The following ITIH5 variants were observed in gnomAD, a reference collection of about 807,000 sequenced individuals.
The protein encoded by ITIH5 is inter-alpha-trypsin inhibitor heavy chain 5, also known as inter-alpha-trypsin inhibitor heavy chain H5.
In ITIH5, 65 loss-of-function variants were observed where a neutral mutation model predicts 77.5. The observed-to-expected ratio is 0.84, with a 90% CI of 0.69 to 1.03. The LOEUF is 1.03. Ranked by LOEUF, ITIH5 falls within the 50% of genes least tolerant of loss-of-function variation. ITIH5 has a pLI of 0.00. For synonymous variants in ITIH5, 525 were observed against 494.3 expected (o/e 1.06, Z -0.82); for missense variants, 1,208 against 1,213.1 (o/e 1.00, Z 0.06).
rs1833898046 is a variant in ITIH5, at chr10:7,642,025, A to G, written c.201T>C (p.Thr67=). ...TGTTCAGCATTCTGCAGGAAACCGT[A>G]GTGAAGGCATAACGGGAAATGATGG... ...KSTIISRYAF[T]TVSCRMLNRA... Residue 67 remains threonine (T), a synonymous_variant, in exon 3 of 14, where the codon ACT becomes ACC. Coordinates refer to ENST00000397146, the MANE Select transcript of ITIH5 (RefSeq NM_030569.7). 6.2e-7 allele frequency: 1 copy of G among 1,613,924 alleles called. No individual in the cohort carries two copies. Among genetic ancestry groups the G allele is most frequent in the South Asian group, 1.1e-5 (1 of 91,084 alleles).
intron 2 of ITIH5, among the ~76,000 whole-genome samples, chr10:7,646,990 A>G (rs1270971656): frequency 2.0e-5 from 3 of 152,268 alleles, no homozygotes; most frequent in Non-Finnish European, 4.4e-5. Flanking sequence ...GGAATGGCAC[A>G]TTCAAGTGCT....
chr10:7,646,546 A>C (rs895289424), intron 2 of ITIH5, among the ~76,000 whole-genome samples: 1 of 152,238 alleles, frequency 6.6e-6, no homozygotes, highest in Non-Finnish European at 1.5e-5. Flanking sequence ...AGTGGTTTAA[A>C]ACAGCAGCAA....
At chr10:7,662,385 A>G (rs974225907) in intron 1 of ITIH5, among the ~76,000 whole-genome samples, 8 of 151,928 alleles carry the variant, frequency 5.3e-5, no homozygotes, top group Non-Finnish European at 7.4e-5. Context: ...ACAGACAGAG[A>G]AAAGAAAAGA....
At chr10:7,597,744 C>T (rs914218394) in intron 7 of ITIH5, among the ~76,000 whole-genome samples, 1 of 152,186 alleles carries the variant, frequency 6.6e-6, no homozygotes, top group Non-Finnish European at 1.5e-5. Flanking sequence ...TGGGTGTCCA[C>T]TAAGCCTCAG....
chr10:7,645,200 A>C (rs1472166854), intron 2 of ITIH5, among the ~76,000 whole-genome samples: 19 of 152,096 alleles, frequency 1.2e-4, no homozygotes, highest in Non-Finnish European at 1.5e-5. Context: ...TCTTTCTTAG[A>C]GAGACAGAAG....
At chr10:7,619,341 G>GT (rs578233236) in intron 5 of ITIH5, 2 of 153,424 alleles carry the variant, frequency 1.3e-5, no homozygotes, top group South Asian at 2.0e-4. Flanking sequence ...CTTAACAGCT[G>GT]TGAGACTTTG....
intron 5 of ITIH5, among the ~76,000 whole-genome samples, chr10:7,630,358 G>T (rs1051298651): frequency 2.6e-5 from 4 of 152,146 alleles, no homozygotes; most frequent in Non-Finnish European, 4.4e-5. Flanking sequence ...GCCAGATCTT[G>T]GGTCTTGCTA....
intron 7 of ITIH5, among the ~76,000 whole-genome samples, chr10:7,611,904 C>T (rs927513050): frequency 1.5e-5 from 2 of 134,362 alleles, no homozygotes; most frequent in South Asian, 2.5e-4. Context: ...AGTTAAATAT[C>T]CACCTGCAAT....
rs769019728 is a variant in ITIH5, at chr10:7,563,304, G to A, written c.2608C>T (p.Gln870Ter). Residue 870 changes from glutamine to a stop codon, truncating the protein, a stop_gained, in exon 14 of 14, where the codon CAG becomes TAG. Transcript: ENST00000397146. LOFTEE classifies it low-confidence loss of function (END_TRUNC). Reference protein sequence around the residue: ...SQNLTHPLLLQVGEGPEAVLT... With the variant: ...SQNLTHPLLL ...ACGGCCTCAGGCCCCTCTCCCACCT[G>A]AAGGAGCAGAGGGTGAGTGAGGTTC... is the stretch of plus-strand genomic sequence containing the variant. 1 of 1,614,172 alleles carries A rather than the reference G, an allele frequency of 6.2e-7. No homozygotes were observed. The highest frequency in any genetic ancestry group is 1.7e-5 in the Admixed American group (1 of 60,026).
At chr10:7,636,753 T>G (rs1178348365) in intron 5 of ITIH5, among the ~76,000 whole-genome samples, 2 of 152,126 alleles carry the variant, frequency 1.3e-5, no homozygotes, top group East Asian at 3.9e-4. Context: ...TGTATTTTAT[T>G]TTTAATAAAA....
chr10:7,640,640 G>GA lies in ITIH5; in HGVS notation c.401+113dup, dbSNP rs1393893141. The GA allele has an allele frequency of 2.7e-5, 18 of 665,146 alleles. No homozygotes were observed. The African/African-American group carries it at 3.3e-4, about 12-fold the overall frequency. 41.2% of individuals were successfully genotyped at this position (665,146 alleles called of 1,614,324 possible). A position where few individuals can be genotyped will look rare whatever the true frequency, so the allele number is the denominator to read the frequency against. ...GATGTATTTATATTTTGATAAAAAA[G>GA]AAAGAGAAAAGTATTTGGAGGAAAG... On this transcript the variant is annotated intron_variant, in intron 4 of 13. Transcript: ENST00000397146.
intron 7 of ITIH5, 36 bp downstream of exon 7, chr10:7,615,946 G>T (rs758282223): frequency 1.6e-6 from 2 of 1,273,606 alleles, no homozygotes; most frequent in South Asian, 2.4e-5. Context: ...AGGCAAAAGC[G>T]AGAGAGGAAT....
intron 2 of ITIH5, among the ~76,000 whole-genome samples, chr10:7,643,587 C>T (rs1833922305): frequency 6.6e-6 from 1 of 152,174 alleles, no homozygotes; most frequent in African/African-American, 2.4e-5. Flanking sequence ...CACACAAAGG[C>T]TCTCAAAACA....
intron 11 of ITIH5, chr10:7,570,016 A>C: frequency 4.6e-6 from 2 of 434,954 alleles, no homozygotes; most frequent in Admixed American, 4.0e-5. Context: ...TCTAAATTCC[A>C]ATATAATGCT....
chr10:7,662,030 T>C (rs777935833), intron 1 of ITIH5, among the ~76,000 whole-genome samples: 5 of 152,264 alleles, frequency 3.3e-5, no homozygotes, highest in Non-Finnish European at 7.4e-5. Flanking sequence ...GCAACTGCCA[T>C]TAGGCAAGTC....
intron 5 of ITIH5, among the ~76,000 whole-genome samples, chr10:7,629,879 A>G (rs1343080684): frequency 2.6e-5 from 4 of 152,184 alleles, no homozygotes; most frequent in Admixed American, 6.5e-5. Flanking sequence ...AATCCTGACT[A>G]TACTCTCTAG....
chr10:7,576,429 C>T, intron 10 of ITIH5, 24 bp downstream of exon 10: 1 of 1,524,572 alleles, frequency 6.6e-7, no homozygotes, highest in Non-Finnish European at 8.8e-7. Context: ...TCCCCCACAC[C>T]TGGCTGGCAC....
In ITIH5 at chr10:7,565,288, CCATA is replaced by C. The variant is rs1164553636; in HGVS notation, c.2527+738_2527+741del. Among the ~76,000 whole-genome samples, 8 of 133,774 alleles carry C rather than the reference CCATA, an allele frequency of 6.0e-5. No homozygotes were observed. The East Asian group carries it at 1.0e-3, about 17-fold the overall frequency. 87.8% of individuals were successfully genotyped at this position (133,774 alleles called of 152,430 possible). Reference sequence around the variant, plus strand: ...CACAGACTGTACATATATACACACACCATACATACAGACTGTATATATATATACA... The same window carrying C: ...CACAGACTGTACATATATACACACACCATACAGACTGTATATATATATACA... On this transcript the variant is annotated intron_variant, in intron 13 of 13. Coordinates refer to ENST00000397146, the MANE Select transcript of ITIH5 (RefSeq NM_030569.7).
chr10:7,572,439 C>T lies in ITIH5; in HGVS notation c.2032+703G>A, dbSNP rs749284734. 5 of 1,348,952 alleles carry T rather than the reference C, an allele frequency of 3.7e-6. No individual in the cohort carries two copies. In the Admixed American group the frequency reaches 9.9e-5, roughly 27 times the overall value. 83.6% of individuals were successfully genotyped at this position (1,348,952 alleles called of 1,614,324 possible). A position where few individuals can be genotyped will look rare whatever the true frequency, so the allele number is the denominator to read the frequency against. On this transcript the variant is annotated intron_variant, in intron 11 of 13. Coordinates refer to ENST00000397146, the MANE Select transcript of ITIH5 (RefSeq NM_030569.7). ...ACAAAAACAAAGCCTGCCTGTCACACCAGACATTTTTATTTTGGTAGCACC... is the reference window on the plus strand; with the variant it reads ...ACAAAAACAAAGCCTGCCTGTCACATCAGACATTTTTATTTTGGTAGCACC...
Sources: allele counts gnomAD v4.1 joint callset (sites outside exome capture counted in the v4.1 genomes callset), GRCh38; gene constraint gnomAD v4.1.1; transcripts MANE v1.5; gene names NCBI Gene and HGNC (gene_info 2026-07-23, HGNC 2026-07-21).